The following RAP1A variants were observed in gnomAD, a reference collection of about 807,000 sequenced individuals.
RAP1A encodes the protein ras-related protein Rap-1A.
A neutral mutation model predicts 26.4 loss-of-function variants in RAP1A; 6 were observed. The ratio of observed to expected loss-of-function variants is 0.23; its 90% confidence interval spans 0.12 to 0.45. The LOEUF (loss-of-function observed/expected upper bound fraction) is 0.45. Among genes scored for constraint, RAP1A ranks in the 20% least tolerant of loss-of-function variants. RAP1A has a pLI of 0.99. For missense variants in RAP1A, 121 were observed against 217.2 expected, an observed-to-expected ratio of 0.56 and a Z score of 2.78; for synonymous variants, 73 against 79.4, an observed-to-expected ratio of 0.92 and a Z score of 0.43.
chr1:111,703,289 A>G (rs894868875), intron 4 of RAP1A, 47 bp from the exon 5 acceptor site: 23 of 1,293,242 alleles, frequency 1.8e-5, no homozygotes, highest in Non-Finnish European at 2.3e-5. Flanking sequence ...TGCAGTATAC[A>G]TTCAAGAAAT....
intron 1 of RAP1A, among the ~76,000 whole-genome samples, chr1:111,685,272 A>G (rs182539900): frequency 1.2e-4 from 19 of 152,316 alleles, no homozygotes; most frequent in African/African-American, 3.8e-4. Context: ...AAATGCCACA[A>G]ATGGGATCTA....
At chr1:111,679,522 T>TTTTCTTTTC (rs540463226) in intron 1 of RAP1A, among the ~76,000 whole-genome samples, 5,347 of 151,882 alleles carry the variant, frequency 0.035, 136 homozygotes, top group Non-Finnish European at 0.051. Context: ...CTTTTCTTTT[T>TTTTCTTTTC]TTTTGTACCC....
At chr1:111,571,541 G>A (rs1171236851) in intron 1 of RAP1A, among the ~76,000 whole-genome samples, 1 of 152,160 alleles carries the variant, frequency 6.6e-6, no homozygotes, top group African/African-American at 2.4e-5. Context: ...CCTGTCAGTC[G>A]GGAAGTTCCA....
At position 111,551,107 on chromosome 1, in the gene RAP1A, C is replaced by T. The variant is rs973879206; in HGVS notation, c.-28+8598C>T. Among the ~76,000 whole-genome samples, 8 of 152,268 alleles carry T rather than the reference C, an allele frequency of 5.3e-5. No homozygotes were observed. The East Asian group carries it at 1.5e-3, about 29-fold the overall frequency. On this transcript the variant is annotated intron_variant, in intron 1 of 7. Coordinates refer to the RAP1A transcript ENST00000356415. ...ATACTTATCTTTTCTCATTCTTTTACTTTCAACCTGTTTGTGTCTTTAAAT... is the reference window on the plus strand; with the variant it reads ...ATACTTATCTTTTCTCATTCTTTTATTTTCAACCTGTTTGTGTCTTTAAAT...
At chr1:111,634,947 C>A (rs923786240) in intron 1 of RAP1A, among the ~76,000 whole-genome samples, 1 of 151,946 alleles carries the variant, frequency 6.6e-6, no homozygotes, top group East Asian at 1.9e-4. Flanking sequence ...CTGGCCTGTT[C>A]ATATATTTTA....
At chr1:111,576,276 A>G (rs530150320) in intron 1 of RAP1A, among the ~76,000 whole-genome samples, 39 of 152,340 alleles carry the variant, frequency 2.6e-4, no homozygotes, top group Admixed American at 7.8e-4. Context: ...TCCTAAGGAG[A>G]GTTATAAACC....
chr1:111,654,057 A>G (rs990736710), intron 1 of RAP1A, among the ~76,000 whole-genome samples: 2 of 152,188 alleles, frequency 1.3e-5, no homozygotes, highest in Non-Finnish European at 2.9e-5. Flanking sequence ...GCTAAGGATA[A>G]TGCTTTGCAC....
At chr1:111,577,710 A>G (rs1187308058) in intron 1 of RAP1A, among the ~76,000 whole-genome samples, 12 of 152,202 alleles carry the variant, frequency 7.9e-5, no homozygotes, top group Non-Finnish European at 1.5e-5. Flanking sequence ...AAAAAATAAT[A>G]TTTATATAAT....
At chr1:111,675,859 C>T (rs917862350) in intron 1 of RAP1A, among the ~76,000 whole-genome samples, 2 of 152,156 alleles carry the variant, frequency 1.3e-5, no homozygotes, top group East Asian at 1.9e-4. Context: ...GCGTCACAAT[C>T]GTGACAGAAG....
At chr1:111,655,054 C>T (rs1660406000) in intron 1 of RAP1A, among the ~76,000 whole-genome samples, 3 of 151,488 alleles carry the variant, frequency 2.0e-5, no homozygotes, top group Admixed American at 2.0e-4. Flanking sequence ...GTGGGCCAGA[C>T]CATAGACCAA....
chr1:111,660,980 A>G (rs1336661703), intron 1 of RAP1A, among the ~76,000 whole-genome samples: 1 of 152,184 alleles, frequency 6.6e-6, no homozygotes, highest in Non-Finnish European at 1.5e-5. Context: ...TACATGCCAT[A>G]TGGACTACGA....
At chr1:111,633,608 A>G (rs182450800) in intron 1 of RAP1A, among the ~76,000 whole-genome samples, 2 of 152,250 alleles carry the variant, frequency 1.3e-5, no homozygotes, top group African/African-American at 4.8e-5. Flanking sequence ...CAAATAGTAT[A>G]TACTCTTAAA....
intron 1 of RAP1A, among the ~76,000 whole-genome samples, chr1:111,651,145 CTTCTGTG>C (rs1660256253): frequency 1.3e-5 from 2 of 152,090 alleles, no homozygotes; most frequent in African/African-American, 2.4e-5. Flanking sequence ...CCCTAAAAGT[CTTCTGTG>C]TTCCTGTCTT....
At chr1:111,589,131 T>G (rs1430097498) in intron 1 of RAP1A, among the ~76,000 whole-genome samples, 1 of 152,224 alleles carries the variant, frequency 6.6e-6, no homozygotes, top group Non-Finnish European at 1.5e-5. Context: ...ATTTTAATTT[T>G]AAGTGAAGAA....
intron 1 of RAP1A, among the ~76,000 whole-genome samples, chr1:111,544,538 A>C: frequency 6.6e-6 from 1 of 152,266 alleles, no homozygotes; most frequent in East Asian, 1.9e-4. Flanking sequence ...TTGTATCAGT[A>C]TATCAGTCAT....
intron 1 of RAP1A, among the ~76,000 whole-genome samples, chr1:111,651,397 A>G (rs1323396500): frequency 6.6e-6 from 1 of 151,724 alleles, no homozygotes; most frequent in Admixed American, 6.6e-5. Flanking sequence ...AAGAAAAATG[A>G]CTTTGTACTT....
chr1:111,638,258 A>G (rs1659781410), intron 1 of RAP1A, among the ~76,000 whole-genome samples: 1 of 152,158 alleles, frequency 6.6e-6, no homozygotes, highest in African/African-American at 2.4e-5. Flanking sequence ...GATACATAGT[A>G]ATTTGTCCAT....
chr1:111,585,302 T>C (rs1477791424), intron 1 of RAP1A, among the ~76,000 whole-genome samples: 1 of 152,232 alleles, frequency 6.6e-6, no homozygotes, highest in African/African-American at 2.4e-5. Flanking sequence ...CTCGTGTGTC[T>C]TTAAAATGTC....
chr1:111,615,599 G>A (rs1454794888), upstream of RAP1A, among the ~76,000 whole-genome samples: 1 of 152,132 alleles, frequency 6.6e-6, no homozygotes, highest in Non-Finnish European at 1.5e-5. Context: ...TTGGGAGGCT[G>A]AGGCAGGCAG....
Sources: allele counts gnomAD v4.1 joint callset (sites outside exome capture counted in the v4.1 genomes callset), GRCh38; gene constraint gnomAD v4.1.1; transcripts MANE v1.5; gene names NCBI Gene and HGNC (gene_info 2026-07-23, HGNC 2026-07-21).